The following WNT10B variants were observed in gnomAD, a reference collection of about 807,000 sequenced individuals.
WNT10B encodes Wnt family member 10B, also known as protein Wnt-10b.
A neutral mutation model predicts 32.7 loss-of-function variants in WNT10B; 26 were observed. The observed-to-expected ratio is 0.79, with a 90% CI of 0.58 to 1.10. The LOEUF is 1.10. Among genes scored for constraint, WNT10B ranks in the 50% least tolerant of loss-of-function variants. The pLI is 0.00. For synonymous variants in WNT10B, 204 were observed against 220.4 expected (o/e 0.93, Z 0.66); for missense variants, 474 against 532.5 (o/e 0.89, Z 1.08).
chr12:48,967,895 T>C, intron 4 of WNT10B, 51 bp downstream of exon 4: 4 of 1,606,198 alleles, frequency 2.5e-6, no homozygotes, highest in Non-Finnish European at 3.4e-6. Flanking sequence ...TCTCAAACTC[T>C]AACCAGGCCT....
rs1474436543 is a variant in WNT10B at position 48,970,299 on chromosome 12, T to C, written c.127A>G (p.Thr43Ala). The C allele has an allele frequency of 1.9e-6, 3 of 1,613,748 alleles. No homozygotes were observed. The highest frequency in any genetic ancestry group is 2.5e-6 in the Non-Finnish European group (3 of 1,179,910). The change falls in exon 3 of 5, where the codon ACG becomes GCG. Residue 43 changes from threonine to alanine, a missense_variant. Thr to Ala is a moderately conservative substitution (Grantham distance 58, BLOSUM62 0). Transcript: ENST00000301061. The surrounding 1 kb of genome is among the most constrained non-coding windows in gnomAD (Gnocchi z 5.0). The stretch of plus-strand genomic sequence containing the variant: ...AGCGTCAAGCACACGGTGTTGGCCG[T>C]CAGCGGCGGCTCGCCAGGCAACTTC... ...GLKLPGEPPL[T>A]ANTVCLTLSG...
In WNT10B at chr12:48,967,953, C is replaced by T; in HGVS notation, c.704G>A (p.Gly235Glu). ...ARMRIHNNRV[G>E]RQVVTENLKR... ...CAAGATGTACACACATACCTGGCGC[C>T]CCACCCTGTTGTTGTGGATTCGCAT... Residue 235 changes from glycine (G) to glutamate (E), a missense_variant, in exon 4 of 5, where the codon GGG becomes GAG. Transcript: ENST00000301061. 6.2e-7 allele frequency: 1 copy of T among 1,614,218 alleles called. No individual in the cohort carries two copies. Among genetic ancestry groups the T allele is most frequent in the South Asian group, 1.1e-5 (1 of 91,082 alleles).
chr12:48,968,386 A>G, intron 3 of WNT10B, 67 bp from the exon 4 acceptor site: 1 of 1,592,306 alleles, frequency 6.3e-7, no homozygotes, highest in Non-Finnish European at 8.5e-7. Context: ...GGAGGCAGAA[A>G]GAAATAAACA....
In WNT10B at chr12:48,965,976, G is replaced by T; in HGVS notation, c.*119C>A. On this transcript the variant is annotated 3_prime_UTR_variant, in exon 5 of 5. Coordinates refer to ENST00000301061, the MANE Select transcript of WNT10B (RefSeq NM_003394.4). ...CCCACCACCCCTAAAGCTGTTTCCAGGTAGATACTTTAAGCTTCCAGGGAC... is the reference window on the plus strand; with the variant it reads ...CCCACCACCCCTAAAGCTGTTTCCATGTAGATACTTTAAGCTTCCAGGGAC... 7.9e-7 allele frequency: 1 copy of T among 1,262,488 alleles called. No individual in the cohort carries two copies. Among genetic ancestry groups the T allele is most frequent in the Non-Finnish European group, 1.1e-6 (1 of 899,566 alleles). The allele number at this position is 1,262,488 out of a possible 1,614,324, so 78.2% of individuals were successfully genotyped here.
chr12:48,966,357 C>G lies in WNT10B; in HGVS notation c.908G>C (p.Arg303Pro), dbSNP rs949468838. Reference sequence around the variant, plus strand: ...AAAGTAGACCAGCTCTCCTGAGAGGCGACGGGGACGCAGACGGGGCTGGAA... The same window carrying G: ...AAAGTAGACCAGCTCTCCTGAGAGGGGACGGGGACGCAGACGGGGCTGGAA... ...GAFQPRLRPRRLSGELVYFEK... is the reference protein window; with the variant it reads ...GAFQPRLRPRPLSGELVYFEK... The change falls in exon 5 of 5, where the codon CGC (arginine) becomes CCC (proline). Residue 303 changes from arginine (R) to proline (P), a missense_variant. By Grantham distance (103) the Arg-to-Pro change is moderately radical (BLOSUM62 -2). Transcript: ENST00000301061. 3.1e-6 allele frequency: 5 copies of G among 1,614,060 alleles called. No homozygotes were observed. The highest frequency in any genetic ancestry group is 4.2e-6 in the Non-Finnish European group (5 of 1,180,048).
chr12:48,971,130 G>A (rs1015107185), intron 1 of WNT10B, among the ~76,000 whole-genome samples: 1 of 152,170 alleles, frequency 6.6e-6, no homozygotes. Flanking sequence ...GAAAGATGGG[G>A]AGGAGAGCCT....
chr12:48,968,632 C>A (rs1940788006), intron 3 of WNT10B, among the ~76,000 whole-genome samples: 1 of 151,852 alleles, frequency 6.6e-6, no homozygotes, highest in African/African-American at 2.4e-5. Flanking sequence ...CAGGGAGAGA[C>A]CCCTGGAGTC....
chr12:48,967,315 G>A (rs930777860), intron 4 of WNT10B, among the ~76,000 whole-genome samples: 15 of 152,114 alleles, frequency 9.9e-5, no homozygotes, highest in Admixed American at 9.2e-4. Context: ...ACAGGGACAT[G>A]CCACCATGCC....
intron 3 of WNT10B, among the ~76,000 whole-genome samples, 174 bp downstream of exon 3, chr12:48,969,915 A>T (rs1940814092): frequency 6.8e-6 from 1 of 147,142 alleles, no homozygotes; most frequent in African/African-American, 2.5e-5. Context: ...TTAGGCGCGC[A>T]GGGGCCCAGA....
chr12:48,967,814 T>G (rs566060137), intron 4 of WNT10B, 132 bp downstream of exon 4: 11 of 1,265,670 alleles, frequency 8.7e-6, no homozygotes, highest in Non-Finnish European at 1.2e-5. Flanking sequence ...GATACAAAAC[T>G]GAGGCTGGGT....
At position 48,968,151 on chromosome 12, in the gene WNT10B, CG is replaced by C; in HGVS notation, c.505del (p.Arg169GlufsTer71). ...CAGAGAGTGGGGGAAACTCTTGCCT[CG>C]GGACAGTGCCTGCAGCTGCAGCAGT... ...AKLLQLQALS[R>X]GKSFPHSLPS... is the part of the protein sequence containing the mutation. On this transcript the variant is annotated frameshift_variant, in exon 4 of 5. Transcript: ENST00000301061. LOFTEE classifies it high-confidence loss of function. 1 of 1,614,230 alleles carries C rather than the reference CG, an allele frequency of 6.2e-7. No homozygotes were observed. Among genetic ancestry groups the C allele is most frequent in the South Asian group, 1.1e-5 (1 of 91,086 alleles).
At chr12:48,971,072 C>T (rs1468686200) in intron 1 of WNT10B, among the ~76,000 whole-genome samples, 1 of 152,206 alleles carries the variant, frequency 6.6e-6, no homozygotes, top group African/African-American at 2.4e-5. Context: ...CCCACTCACA[C>T]TGCCCCCTCC....
In WNT10B at chr12:48,966,550, C is replaced by A. The variant is rs780202511; in HGVS notation, c.715G>T (p.Val239Leu). The A allele has an allele frequency of 6.2e-6, 10 of 1,612,922 alleles. No homozygotes were observed. Among genetic ancestry groups the A allele is most frequent in the Non-Finnish European group, 8.5e-7 (1 of 1,179,990 alleles). ...IHNNRVGRQV[V>L]TENLKRKCKC... ...CATTTCCGCTTCAGGTTTTCAGTTA[C>A]CACCTAGAGCATCAGGGGGAAAAGA... Residue 239 changes from valine to leucine, a missense_variant, in exon 5 of 5, where the codon GTA (valine) becomes TTA (leucine). Coordinates refer to ENST00000301061, the MANE Select transcript of WNT10B (RefSeq NM_003394.4).
chr12:48,970,471 A>T lies in WNT10B; in HGVS notation c.59T>A (p.Leu20Gln). ...PPSGLAGLLF[L>Q]ALCSRALSNE... The stretch of plus-strand genomic sequence containing the variant: ...AACTGCTCACCGACTGCACAACGCC[A>T]GGAACAGGAGACCCGCGAGGCCCGA... Residue 20 changes from leucine (L) to glutamine (Q), a missense_variant, in exon 2 of 5, where the codon CTG becomes CAG. By Grantham distance (113) the Leu-to-Gln change is moderately radical (BLOSUM62 -2). Coordinates refer to ENST00000301061, the MANE Select transcript of WNT10B (RefSeq NM_003394.4). The surrounding 1 kb of genome is among the most constrained non-coding windows in gnomAD (Gnocchi z 5.0). The T allele has an allele frequency of 5.0e-6, 8 of 1,612,866 alleles. No individual in the cohort carries two copies. Among genetic ancestry groups the T allele is most frequent in the Non-Finnish European group, 6.8e-6 (8 of 1,179,632 alleles).
At chr12:48,967,776 T>A (rs1592250781) in intron 4 of WNT10B, among the ~76,000 whole-genome samples, 170 bp downstream of exon 4, 3 of 152,326 alleles carry the variant, frequency 2.0e-5, no homozygotes, top group East Asian at 3.8e-4. Flanking sequence ...AATAACATTG[T>A]AAGATAAGTA....
chr12:48,969,760 A>AG (rs149337631), intron 3 of WNT10B, among the ~76,000 whole-genome samples: 5,584 of 148,332 alleles, frequency 0.038, 159 homozygotes, highest in Non-Finnish European at 0.056. Context: ...TGGAGGGAAT[A>AG]GGGGGGCGTT....
Position 48,966,479 on chromosome 12 carries a change from C to G in WNT10B, c.786G>C (p.Trp262Cys), listed in dbSNP as rs766021478. 2 of 1,614,086 alleles carry G rather than the reference C, an allele frequency of 1.2e-6. No homozygotes were observed. The highest frequency in any genetic ancestry group is 1.7e-6 in the Non-Finnish European group (2 of 1,180,046). The part of the protein sequence containing the change: ...TSGSCQFKTC[W>C]RAAPEFRAVG... ...CTGCCCGGAACTCTGGGGCCGCCCT[C>G]CAGCATGTCTTGAACTGGCAGCTGC... The change falls in exon 5 of 5, where the codon TGG (tryptophan) becomes TGC (cysteine). Residue 262 changes from tryptophan to cysteine, a missense_variant. Physicochemically the swap from Trp to Cys is radical, Grantham distance 215. Transcript: ENST00000301061.
rs1028663181 is a variant in WNT10B, at chr12:48,965,506, G to A, written c.*589C>T. ...CCCCATTAACATCTGAATGGAAGGA[G>A]ACAACTTCCCTAAGGGCCTGGACAG... On this transcript the variant is annotated 3_prime_UTR_variant, in exon 5 of 5. Coordinates refer to ENST00000301061, the MANE Select transcript of WNT10B (RefSeq NM_003394.4). 1 of 152,942 alleles carries A rather than the reference G, an allele frequency of 6.5e-6. No individual in the cohort carries two copies. Among genetic ancestry groups the A allele is most frequent in the Non-Finnish European group, 1.5e-5 (1 of 68,266 alleles). 9.5% of individuals were successfully genotyped at this position (152,942 alleles called of 1,614,324 possible).
rs534953140 is a variant in WNT10B, at chr12:48,967,136, G to A, written c.712-583C>T. Among the ~76,000 whole-genome samples the A allele has an allele frequency of 2.7e-5, 4 of 146,926 alleles. No homozygotes were observed. In the East Asian group the frequency reaches 6.0e-4, roughly 22 times the overall value. On this transcript the variant is annotated intron_variant, in intron 4 of 4. Coordinates refer to ENST00000301061, the MANE Select transcript of WNT10B (RefSeq NM_003394.4). ...CTACTGAGTAGCTGGGATTACAGGC[G>A]CAGGCCACCACGCCTGGCTAATTTT... is the stretch of plus-strand genomic sequence containing the variant.
Sources: allele counts gnomAD v4.1 joint callset (sites outside exome capture counted in the v4.1 genomes callset), GRCh38; gene constraint gnomAD v4.1.1; non-coding constraint Gnocchi (gnomAD v3.1); transcripts MANE v1.5; gene names NCBI Gene and HGNC (gene_info 2026-07-23, HGNC 2026-07-21).